The following ITGA4 variants were observed in gnomAD, a reference collection of about 807,000 sequenced individuals.
The protein encoded by ITGA4 is integrin alpha-4.
In ITGA4, 63 loss-of-function variants were observed where a neutral mutation model predicts 133.6. That is an observed-to-expected ratio of 0.47 (90% confidence interval 0.38 to 0.58). ITGA4 has a LOEUF of 0.58. Ranked by LOEUF, ITGA4 falls within the 20% of genes least tolerant of loss-of-function variation. ITGA4 has a pLI of 0.00. For synonymous variants in ITGA4, 483 were observed against 438.0 expected (o/e 1.10, Z -1.28); for missense variants, 1,076 against 1,252.7 (o/e 0.86, Z 2.13).
At chr2:181,484,329 C>T (rs982307414) in intron 9 of ITGA4, among the ~76,000 whole-genome samples, 2 of 152,108 alleles carry the variant, frequency 1.3e-5, no homozygotes, top group African/African-American at 4.8e-5. Flanking sequence ...GGGTTCCTAG[C>T]GAACTCTCAG....
chr2:181,457,963 G>C (rs546926830), intron 1 of ITGA4, 112 bp downstream of exon 1: 1 of 1,187,626 alleles, frequency 8.4e-7, no homozygotes, highest in Non-Finnish European at 1.2e-6. Context: ...AGGCAGGAGG[G>C]AAACGCTGCG....
chr2:181,526,998 AT>A (rs564912064), intron 21 of ITGA4, among the ~76,000 whole-genome samples: 3 of 149,636 alleles, frequency 2.0e-5, no homozygotes, highest in African/African-American at 2.5e-5. Context: ...CGCCCAGCTA[AT>A]TTTTTTTTGT....
chr2:181,510,740 G>C (rs1365643519), intron 16 of ITGA4, among the ~76,000 whole-genome samples: 1 of 152,000 alleles, frequency 6.6e-6, no homozygotes, highest in East Asian at 1.9e-4. Flanking sequence ...ACGGAAGTCA[G>C]GGGTTGTTTT....
rs1242120558 is a variant in ITGA4 at position 181,523,015 on chromosome 2, A to G, written c.2074-422A>G. On this transcript the variant is annotated intron_variant, in intron 18 of 27. Coordinates refer to ENST00000397033, the MANE Select transcript of ITGA4 (RefSeq NM_000885.6). The surrounding 1 kb of genome is among the most constrained non-coding windows in gnomAD (Gnocchi z 4.2). ...CCAGACAGAAGAGGACCATTAAAAT[A>G]TGAACCTTATGGATTCCTTGCCTCA... 6.6e-6 allele frequency among the ~76,000 whole-genome samples: 1 copy of G among 152,188 alleles called. No individual in the cohort carries two copies. Among genetic ancestry groups the G allele is most frequent in the Non-Finnish European group, 1.5e-5 (1 of 68,036 alleles).
intron 15 of ITGA4, among the ~76,000 whole-genome samples, chr2:181,507,640 A>G (rs1215148341): frequency 1.3e-5 from 2 of 152,130 alleles, no homozygotes; most frequent in African/African-American, 4.8e-5. Context: ...CCATATTTGC[A>G]CTTAACCTTT....
chr2:181,460,253 A>G (rs1166849661), intron 2 of ITGA4, among the ~76,000 whole-genome samples: 1 of 152,268 alleles, frequency 6.6e-6, no homozygotes, highest in Non-Finnish European at 1.5e-5. Flanking sequence ...GAGTTAAAAC[A>G]TTAATAGTGA....
At chr2:181,515,884 G>C (rs1417269095) in intron 17 of ITGA4, among the ~76,000 whole-genome samples, 1 of 152,004 alleles carries the variant, frequency 6.6e-6, no homozygotes, top group African/African-American at 2.4e-5. Flanking sequence ...TGGTATTTAT[G>C]TGCCCCAGAG....
intron 15 of ITGA4, among the ~76,000 whole-genome samples, chr2:181,501,768 C>T (rs1239099344): frequency 6.6e-6 from 1 of 152,052 alleles, no homozygotes; most frequent in African/African-American, 2.4e-5. Flanking sequence ...CAGGAGAACA[C>T]CTTTTGAGTG....
Position 181,457,743 on chromosome 2 carries a change from C to T in ITGA4, c.89C>T (p.Thr30Ile). The T allele has an allele frequency of 6.2e-7, 1 of 1,613,180 alleles. No homozygotes were observed. Among genetic ancestry groups the T allele is most frequent in the Non-Finnish European group, 8.5e-7 (1 of 1,179,860 alleles). Reference sequence around the variant, plus strand: ...CTGTTGCTGTGCCTGGGGGTCCCGACCGGCCGCCCCTACAACGTGGACACT... The same window carrying T: ...CTGTTGCTGTGCCTGGGGGTCCCGATCGGCCGCCCCTACAACGTGGACACT... ...VMLLLCLGVP[T>I]GRPYNVDTES... Residue 30 changes from threonine (T) to isoleucine (I), a missense_variant, in exon 1 of 28, where the codon ACC (threonine) becomes ATC (isoleucine). Transcript: ENST00000397033.
At chr2:181,510,731 C>T (rs569981152) in intron 16 of ITGA4, among the ~76,000 whole-genome samples, 30 of 152,062 alleles carry the variant, frequency 2.0e-4, no homozygotes, top group East Asian at 3.9e-4. Flanking sequence ...AAAATATTTA[C>T]GGAAGTCAGG....
chr2:181,470,406 T>G (rs1478743166), intron 2 of ITGA4, among the ~76,000 whole-genome samples: 1 of 152,154 alleles, frequency 6.6e-6, no homozygotes, highest in Non-Finnish European at 1.5e-5. Flanking sequence ...CTGAGCTACA[T>G]TGTAGAGCTA....
chr2:181,477,107 G>A (rs866622710), intron 4 of ITGA4, among the ~76,000 whole-genome samples: 1 of 152,044 alleles, frequency 6.6e-6, no homozygotes, highest in South Asian at 2.1e-4. Context: ...ACTTGCACAT[G>A]AACCCTGAAC....
In ITGA4 at chr2:181,457,740, C is replaced by G; in HGVS notation, c.86C>G (p.Pro29Arg). 1.2e-6 allele frequency: 2 copies of G among 1,612,990 alleles called. No individual in the cohort carries two copies. Among genetic ancestry groups the G allele is most frequent in the Non-Finnish European group, 1.7e-6 (2 of 1,179,800 alleles). The change falls in exon 1 of 28, where the codon CCG becomes CGG. Residue 29 changes from proline to arginine, a missense_variant. By Grantham distance (103) the Pro-to-Arg change is moderately radical (BLOSUM62 -2). Coordinates refer to ENST00000397033, the MANE Select transcript of ITGA4 (RefSeq NM_000885.6). ...ATGCTGTTGCTGTGCCTGGGGGTCC[C>G]GACCGGCCGCCCCTACAACGTGGAC... ...TVMLLLCLGV[P>R]TGRPYNVDTE...
At position 181,537,093 on chromosome 2, in the gene ITGA4, A is replaced by G. The variant is rs1687161931; in HGVS notation, c.*1566A>G. 2 of 451,790 alleles carry G rather than the reference A, an allele frequency of 4.4e-6. No individual in the cohort carries two copies. Among genetic ancestry groups the G allele is most frequent in the East Asian group, 1.4e-4 (2 of 14,404 alleles). 28.0% of individuals were successfully genotyped at this position (451,790 alleles called of 1,614,324 possible). ...TCCTGAACCCAGAGTGTGTATACAC[A>G]GGAATAAACTTTATGACATTTATGT... is the stretch of plus-strand genomic sequence containing the variant. On this transcript the variant is annotated 3_prime_UTR_variant, in exon 28 of 28. Transcript: ENST00000397033.
At chr2:181,498,595 T>C in intron 14 of ITGA4, 28 bp from the exon 15 acceptor site, 1 of 1,431,160 alleles carries the variant, frequency 7.0e-7, no homozygotes, top group Non-Finnish European at 9.8e-7. Context: ...AGTAATTAGA[T>C]TAATTGCAAT....
At position 181,537,480 on chromosome 2, in the gene ITGA4, T is replaced by G. The variant is rs1687202676; in HGVS notation, c.*1953T>G. 1 of 452,832 alleles carries G rather than the reference T, an allele frequency of 2.2e-6. No homozygotes were observed. The highest frequency in any genetic ancestry group is 2.0e-5 in the African/African-American group (1 of 49,624). 28.1% of individuals were successfully genotyped at this position (452,832 alleles called of 1,614,324 possible). On this transcript the variant is annotated 3_prime_UTR_variant, in exon 28 of 28. Coordinates refer to ENST00000397033, the MANE Select transcript of ITGA4 (RefSeq NM_000885.6). ...CCCTACCACTTTAAGAAGACAGGGA[T>G]GGGTTATTCTTTTTTGGCAGGTAGG...
rs563620940 is a variant in ITGA4 at position 181,485,825 on chromosome 2, G to A, written c.1042-56G>A. The stretch of plus-strand genomic sequence containing the variant: ...CCATATCCAATTACAACAGTAAATC[G>A]TGTAAAGTTGTCAGGGAGTGTTATA... On this transcript the variant is annotated intron_variant, in intron 9 of 27. Transcript: ENST00000397033. 159 of 1,397,344 alleles carry A rather than the reference G, an allele frequency of 1.1e-4. 1 individual carries two copies. Among genetic ancestry groups the A allele is most frequent in the Middle Eastern group, 7.1e-4 (4 of 5,660 alleles). 86.6% of individuals were successfully genotyped at this position (1,397,344 alleles called of 1,614,324 possible).
intron 15 of ITGA4, among the ~76,000 whole-genome samples, chr2:181,505,314 T>A (rs1045282427): frequency 1.3e-5 from 2 of 152,054 alleles, no homozygotes; most frequent in African/African-American, 4.8e-5. Flanking sequence ...CTTATAAATT[T>A]TTTTGCCCCA....
At chr2:181,535,379 G>A (rs1367950394) in intron 27 of ITGA4, 53 bp from the exon 28 acceptor site, 2 of 1,355,120 alleles carry the variant, frequency 1.5e-6, no homozygotes, top group Non-Finnish European at 2.0e-6. Flanking sequence ...GAGTATAGTA[G>A]ATAAGAGAGT....
Sources: allele counts gnomAD v4.1 joint callset (sites outside exome capture counted in the v4.1 genomes callset), GRCh38; gene constraint gnomAD v4.1.1; non-coding constraint Gnocchi (gnomAD v3.1); transcripts MANE v1.5; gene names NCBI Gene and HGNC (gene_info 2026-07-23, HGNC 2026-07-21).